CYP2C19: variants seen among roughly 807,000 people sequenced by gnomAD.
CYP2C19 encodes cytochrome P450 2C19.
A neutral mutation model predicts 40.9 loss-of-function variants in CYP2C19; 59 were observed. That is an observed-to-expected ratio of 1.44 (90% CI 1.17 to 1.79). CYP2C19 has a LOEUF of 1.79. Ranked by LOEUF, CYP2C19 falls within the 40% of genes most tolerant of loss-of-function variation. The pLI, the probability that CYP2C19 is intolerant of heterozygous loss-of-function variation, is 0.00. For synonymous variants in CYP2C19, 253 were observed against 208.7 expected, an observed-to-expected ratio of 1.21 and a Z score of -1.83; for missense variants, 754 against 596.9, an observed-to-expected ratio of 1.26 and a Z score of -2.74.
rs57700608 is a variant in CYP2C19 at position 94,780,544 on chromosome 10, A to G, written c.527A>G (p.Asn176Ser). Residue 176 changes from asparagine (N) to serine (S), a missense_variant, in exon 4 of 9, where the codon AAT (asparagine) becomes AGT (serine). Asn to Ser is a conservative substitution (Grantham distance 46). Coordinates refer to ENST00000371321, the MANE Select transcript of CYP2C19 (RefSeq NM_000769.4). The stretch of plus-strand genomic sequence containing the variant: ...TTCATCCTGGGCTGTGCTCCCTGCA[A>G]TGTGATCTGCTCCATTATTTTCCAG... ...PTFILGCAPC[N>S]VICSIIFQKR... is the part of the protein sequence containing the mutation. 235 of 1,613,792 alleles carry G rather than the reference A, an allele frequency of 1.5e-4. No homozygotes were observed. The highest frequency in any genetic ancestry group is 1.9e-4 in the Non-Finnish European group (220 of 1,179,936).
At chr10:94,851,670 A>G (rs1274956215) in intron 8 of CYP2C19, among the ~76,000 whole-genome samples, 1 of 152,012 alleles carries the variant, frequency 6.6e-6, no homozygotes, top group Non-Finnish European at 1.5e-5. Context: ...CCTGTTCCTT[A>G]TTGATAATAC....
intron 5 of CYP2C19, among the ~76,000 whole-genome samples, chr10:94,815,328 A>T (rs1035354351): frequency 6.6e-6 from 1 of 152,226 alleles, no homozygotes; most frequent in Admixed American, 6.5e-5. Context: ...TTAACATGAC[A>T]CAGGTCACTT....
intron 6 of CYP2C19, among the ~76,000 whole-genome samples, chr10:94,840,246 A>C (rs1397672915): frequency 6.8e-6 from 1 of 146,762 alleles, no homozygotes; most frequent in African/African-American, 2.5e-5. Flanking sequence ...TTTTTTAACT[A>C]TTTCTATCTT....
intron 8 of CYP2C19, among the ~76,000 whole-genome samples, chr10:94,850,680 G>A (rs1409325409): frequency 6.6e-6 from 1 of 152,162 alleles, no homozygotes; most frequent in East Asian, 1.9e-4. Context: ...AGACATTTAA[G>A]CTACATCAAA....
chr10:94,775,904 A>G (rs777077271), intron 3 of CYP2C19: 1 of 301,122 alleles, frequency 3.3e-6, no homozygotes, highest in Non-Finnish European at 6.3e-6. Context: ...AGAATACTTG[A>G]CAAGTGGACA....
chr10:94,833,652 C>G (rs1467334745), intron 6 of CYP2C19, among the ~76,000 whole-genome samples: 1 of 152,126 alleles, frequency 6.6e-6, no homozygotes, highest in African/African-American at 2.4e-5. Flanking sequence ...TTTGTAGGAA[C>G]ATGGATGAAA....
At chr10:94,839,307 C>T (rs1849453822) in intron 6 of CYP2C19, among the ~76,000 whole-genome samples, 1 of 151,670 alleles carries the variant, frequency 6.6e-6, no homozygotes, top group Non-Finnish European at 1.5e-5. Flanking sequence ...AGGTGAGTTC[C>T]TTTCCAGGCT....
chr10:94,801,264 A>T (rs1199579437), intron 5 of CYP2C19, among the ~76,000 whole-genome samples: 1 of 152,156 alleles, frequency 6.6e-6, no homozygotes, highest in Non-Finnish European at 1.5e-5. Flanking sequence ...AATGCTTTAA[A>T]TGTGTCTCAG....
At chr10:94,811,544 C>T (rs2984321) in intron 5 of CYP2C19, among the ~76,000 whole-genome samples, 95 of 152,026 alleles carry the variant, frequency 6.2e-4, no homozygotes, top group Admixed American at 1.0e-3. Context: ...TTAAGAACTT[C>T]CTTTATGAAT....
intron 5 of CYP2C19, among the ~76,000 whole-genome samples, chr10:94,807,547 C>T (rs1285917620): frequency 2.0e-5 from 3 of 152,068 alleles, no homozygotes; most frequent in Admixed American, 1.3e-4. Context: ...TCCTCACCAG[C>T]GTTGGCTGTC....
In CYP2C19 at chr10:94,786,543, A is replaced by G. The variant is rs148267658; in HGVS notation, c.819+4546A>G. Among the ~76,000 whole-genome samples the G allele has an allele frequency of 4.2e-3, 636 of 152,188 alleles. 3 individuals carry two copies. Among genetic ancestry groups the G allele is most frequent in the African/African-American group, 0.014 (579 of 41,536 alleles). On this transcript the variant is annotated intron_variant, in intron 5 of 8. Coordinates refer to ENST00000371321, the MANE Select transcript of CYP2C19 (RefSeq NM_000769.4). ...TACTTTCTTTTTAAAAAAATTTTCA[A>G]CTTTTATTTTAGATTCAGGAAGTGC...
intron 5 of CYP2C19, among the ~76,000 whole-genome samples, chr10:94,783,457 G>C (rs1848503511): frequency 1.3e-5 from 2 of 152,090 alleles, no homozygotes; most frequent in South Asian, 4.1e-4. Context: ...AAAATGATTT[G>C]TACAGATAAG....
At chr10:94,832,098 G>T (rs1849344235) in intron 6 of CYP2C19, among the ~76,000 whole-genome samples, 1 of 152,152 alleles carries the variant, frequency 6.6e-6, no homozygotes, top group South Asian at 2.1e-4. Flanking sequence ...AGATATATGA[G>T]TCCAGATTCA....
At chr10:94,799,459 T>G (rs1489000164) in intron 5 of CYP2C19, among the ~76,000 whole-genome samples, 1 of 152,186 alleles carries the variant, frequency 6.6e-6, no homozygotes, top group East Asian at 1.9e-4. Flanking sequence ...TCAACTTTGG[T>G]GAATCTGACA....
Position 94,781,956 on chromosome 10 carries a change from C to A in CYP2C19, c.778C>A (p.Pro260Thr), listed in dbSNP as rs556994963. The A allele has an allele frequency of 1.3e-6, 2 of 1,530,082 alleles. No individual in the cohort carries two copies. Among genetic ancestry groups the A allele is most frequent in the South Asian group, 1.4e-5 (1 of 73,776 alleles). 94.8% of individuals were successfully genotyped at this position (1,530,082 alleles called of 1,614,324 possible). Residue 260 changes from proline to threonine, a missense_variant, in exon 5 of 9, where the codon CCT (proline) becomes ACT (threonine). Pro to Thr is a conservative substitution (Grantham distance 38). Coordinates refer to ENST00000371321, the MANE Select transcript of CYP2C19 (RefSeq NM_000769.4). ...CCAAGAATCGATGGACATCAACAAC[C>A]CTCGGGACTTTATTGATTGCTTCCT... ...EHQESMDINNPRDFIDCFLIK... is the reference protein window; with the variant it reads ...EHQESMDINNTRDFIDCFLIK...
rs576229059 is a variant in CYP2C19, at chr10:94,784,606, A to ATTAT, written c.819+2632_819+2635dup. Among the ~76,000 whole-genome samples, 509 of 151,726 alleles carry ATTAT rather than the reference A, an allele frequency of 3.4e-3. 2 individuals carry two copies. Among genetic ancestry groups the ATTAT allele is most frequent in the Non-Finnish European group, 5.7e-3 (388 of 67,878 alleles). On this transcript the variant is annotated intron_variant, in intron 5 of 8. Transcript: ENST00000371321. ...CCTAGTGAATGTAAAGTGGTATCTC[A>ATTAT]TTATTTATTTATTTATTTATTTATT...
intron 5 of CYP2C19, among the ~76,000 whole-genome samples, chr10:94,793,093 T>TTTAA (rs1346592143): frequency 6.6e-6 from 1 of 152,186 alleles, no homozygotes; most frequent in Non-Finnish European, 1.5e-5. Flanking sequence ...TCTAGCTTCA[T>TTTAA]TTCATTCATT....
chr10:94,839,124 C>T (rs755399997), intron 6 of CYP2C19, among the ~76,000 whole-genome samples: 2 of 152,292 alleles, frequency 1.3e-5, no homozygotes, highest in East Asian at 3.9e-4. Context: ...ATGCTTATTC[C>T]TTTCCAGGGT....
chr10:94,799,146 G>C (rs2134251539), intron 5 of CYP2C19, among the ~76,000 whole-genome samples: 1 of 151,942 alleles, frequency 6.6e-6, no homozygotes, highest in South Asian at 2.1e-4. Flanking sequence ...CGTATGGTTT[G>C]TTCCTTTCCA....
Sources: gnomAD v4.1 joint callset for allele counts (sites outside exome capture counted in the v4.1 genomes callset) on GRCh38, gnomAD v4.1.1 for gene constraint, MANE v1.5 for transcripts, NCBI Gene and HGNC (gene_info 2026-07-23, HGNC 2026-07-21) for gene names.